TRIM71: variants seen among roughly 807,000 people sequenced by gnomAD.
TRIM71 encodes E3 ubiquitin-protein ligase TRIM71.
In TRIM71, 9 loss-of-function variants were observed where a neutral mutation model predicts 61.2. The ratio of observed to expected loss-of-function variants is 0.15; its 90% CI spans 0.09 to 0.26. The LOEUF (loss-of-function observed/expected upper bound fraction) is 0.26. TRIM71 is among the 10% of genes least tolerant of loss of function. The pLI is 1.00. For synonymous variants in TRIM71, 645 were observed against 553.2 expected, an observed-to-expected ratio of 1.17 and a Z score of -2.33; for missense variants, 998 against 1,238.7, an observed-to-expected ratio of 0.81 and a Z score of 2.92.
At chr3:32,820,255 C>A (rs1038716262) in intron 1 of TRIM71, among the ~76,000 whole-genome samples, 1 of 152,210 alleles carries the variant, frequency 6.6e-6, no homozygotes, top group Non-Finnish European at 1.5e-5. Flanking sequence ...CTTTTCCACT[C>A]CTAACCTGTT....
intron 1 of TRIM71, among the ~76,000 whole-genome samples, chr3:32,834,232 T>C (rs961391111): frequency 6.6e-6 from 1 of 152,220 alleles, no homozygotes; most frequent in African/African-American, 2.4e-5. Flanking sequence ...GTTACGGTTA[T>C]AAATGGAAAC....
At chr3:32,824,445 G>A (rs970888683) in intron 1 of TRIM71, among the ~76,000 whole-genome samples, 2 of 150,502 alleles carry the variant, frequency 1.3e-5, no homozygotes, top group African/African-American at 2.5e-5. Flanking sequence ...CACCTGCCTC[G>A]GCTTCCCAAA....
chr3:32,893,624 A>G lies in TRIM71; in HGVS notation c.*1813A>G, dbSNP rs1697050055. ...ATCAACTTCTGTTCCTCTGTTTAAG[A>G]GAAATTTCTATTGCAAAATGGGTAT... On this transcript the variant is annotated 3_prime_UTR_variant, in exon 4 of 4. Coordinates refer to ENST00000383763, the MANE Select transcript of TRIM71 (RefSeq NM_001039111.3). 6.6e-6 allele frequency: 1 copy of G among 152,262 alleles called. No individual in the cohort carries two copies. The highest frequency in any genetic ancestry group is 1.5e-5 in the Non-Finnish European group (1 of 68,046). The allele number at this position is 152,262 out of a possible 1,614,324, so 9.4% of individuals were successfully genotyped here.
chr3:32,883,419 T>G (rs1244749101), intron 2 of TRIM71, among the ~76,000 whole-genome samples: 1 of 152,224 alleles, frequency 6.6e-6, no homozygotes, highest in Non-Finnish European at 1.5e-5. Flanking sequence ...TCAGGAAGAC[T>G]CATTGCTTTC....
At chr3:32,862,139 A>G (rs769736584) in intron 1 of TRIM71, among the ~76,000 whole-genome samples, 1 of 152,226 alleles carries the variant, frequency 6.6e-6, no homozygotes, top group South Asian at 2.1e-4. Context: ...TTATCAACCA[A>G]TAGGACAGTG....
chr3:32,861,099 C>T (rs1260450679), intron 1 of TRIM71, among the ~76,000 whole-genome samples: 3 of 151,854 alleles, frequency 2.0e-5, no homozygotes, highest in Non-Finnish European at 2.9e-5. Context: ...CGCTTGATCC[C>T]GGGAGGCAGA....
chr3:32,827,268 CTTT>C (rs369755706), intron 1 of TRIM71, among the ~76,000 whole-genome samples: 4 of 129,680 alleles, frequency 3.1e-5, no homozygotes, highest in Non-Finnish European at 6.7e-5. Context: ...GGGGATAATT[CTTT>C]TTTTTTTTTT....
chr3:32,876,569 A>T (rs981948891), intron 2 of TRIM71, among the ~76,000 whole-genome samples: 2 of 152,056 alleles, frequency 1.3e-5, no homozygotes, highest in African/African-American at 4.8e-5. Flanking sequence ...GGACGACCGA[A>T]TGAGACTCCA....
At position 32,818,669 on chromosome 3, in the gene TRIM71, C is replaced by T; in HGVS notation, c.589C>T (p.His197Tyr). 1 of 1,535,050 alleles carries T rather than the reference C, an allele frequency of 6.5e-7. No individual in the cohort carries two copies. The highest frequency in any genetic ancestry group is 8.7e-7 in the Non-Finnish European group (1 of 1,150,680). ...GTCGGCGCTGCTGCTCCGCCGTCCTCACGGCTGCAGCTCGTGCGATGAGGG... is the reference window on the plus strand; with the variant it reads ...GTCGGCGCTGCTGCTCCGCCGTCCTTACGGCTGCAGCTCGTGCGATGAGGG... ...SPSALLLRRPHGCSSCDEGNA... is the reference protein window; with the variant it reads ...SPSALLLRRPYGCSSCDEGNA... The change falls in exon 1 of 4, where the codon CAC becomes TAC. Residue 197 changes from histidine (H) to tyrosine (Y), a missense_variant. Around this residue, in one of 5 missense-constraint regions of TRIM71, gnomAD observed 527 missense variants for 427.8 expected, o/e 1.23. Coordinates refer to ENST00000383763, the MANE Select transcript of TRIM71 (RefSeq NM_001039111.3).
intron 1 of TRIM71, among the ~76,000 whole-genome samples, chr3:32,865,787 C>T (rs1346450971): frequency 6.7e-4 from 5 of 7,482 alleles, no homozygotes; most frequent in Admixed American, 2.1e-3. Flanking sequence ...ATTTGCCGCC[C>T]GCCGGCCCCC....
chr3:32,872,804 T>C (rs1460755569), intron 1 of TRIM71, among the ~76,000 whole-genome samples: 3 of 152,120 alleles, frequency 2.0e-5, no homozygotes, highest in Non-Finnish European at 4.4e-5. Flanking sequence ...GGAGATGAAG[T>C]GTGGGTGTTG....
At chr3:32,836,826 GGTAGCTAT>G (rs1696339903) in intron 1 of TRIM71, among the ~76,000 whole-genome samples, 4 of 152,260 alleles carry the variant, frequency 2.6e-5, no homozygotes, top group African/African-American at 7.2e-5. Context: ...GCCATATACT[GGTAGCTAT>G]TATACTGGTA....
intron 1 of TRIM71, among the ~76,000 whole-genome samples, chr3:32,847,342 A>C (rs1414781216): frequency 6.6e-6 from 1 of 152,018 alleles, no homozygotes; most frequent in Non-Finnish European, 1.5e-5. Context: ...GATTACAGGC[A>C]CGTGCCACCA....
rs1696628320 is a variant in TRIM71 at position 32,858,250 on chromosome 3, C to T, written c.853-15568C>T. 3.3e-5 allele frequency among the ~76,000 whole-genome samples: 5 copies of T among 152,080 alleles called. No individual in the cohort carries two copies. The South Asian group carries it at 1.0e-3, about 32-fold the overall frequency. On this transcript the variant is annotated intron_variant, in intron 1 of 3. Transcript: ENST00000383763. ...ATCCTCTCTAGCAGGGGTATATTTT[C>T]CAAATCAGGCCATGGGTGAGAGTGA... is the stretch of plus-strand genomic sequence containing the variant.
intron 2 of TRIM71, among the ~76,000 whole-genome samples, chr3:32,883,252 A>G (rs1696928240): frequency 6.6e-6 from 1 of 152,192 alleles, no homozygotes; most frequent in Non-Finnish European, 1.5e-5. Context: ...TTTAACTTTT[A>G]GGTAATGTGG....
intron 1 of TRIM71, among the ~76,000 whole-genome samples, chr3:32,823,840 G>A (rs540051187): frequency 6.6e-6 from 1 of 152,094 alleles, no homozygotes; most frequent in East Asian, 1.9e-4. Flanking sequence ...TTGGGAGGCC[G>A]AGGCGGGCGG....
At chr3:32,830,955 C>T (rs1294493991) in intron 1 of TRIM71, among the ~76,000 whole-genome samples, 3 of 152,128 alleles carry the variant, frequency 2.0e-5, no homozygotes, top group Non-Finnish European at 2.9e-5. Flanking sequence ...GGATTACAGG[C>T]GCCCGCCACC....
At chr3:32,876,037 T>C (rs772662936) in intron 2 of TRIM71, among the ~76,000 whole-genome samples, 1 of 152,174 alleles carries the variant, frequency 6.6e-6, no homozygotes, top group Non-Finnish European at 1.5e-5. Flanking sequence ...ACTAATCCTG[T>C]TATTGTTATG....
At position 32,873,060 on chromosome 3, in the gene TRIM71, T is replaced by TCCCTCCCTCC. The variant is rs1559548193; in HGVS notation, c.853-757_853-756insCCTCCCTCCC. On this transcript the variant is annotated intron_variant, in intron 1 of 3. Coordinates refer to ENST00000383763, the MANE Select transcript of TRIM71 (RefSeq NM_001039111.3). ...TAAAGGTTGTGCCAGCCCTTCTCTC[T>TCCCTCCCTCC]CTTCCTCCCTCCCTCCCTCCCTCCC... Among the ~76,000 whole-genome samples, 167 of 96,112 alleles carry TCCCTCCCTCC rather than the reference T, an allele frequency of 1.7e-3. 3 individuals are homozygous for TCCCTCCCTCC. Among genetic ancestry groups the TCCCTCCCTCC allele is most frequent in the African/African-American group, 4.6e-3 (128 of 28,042 alleles). 63.1% of individuals were successfully genotyped at this position (96,112 alleles called of 152,430 possible). A position where few individuals can be genotyped will look rare whatever the true frequency, so the allele number is the denominator to read the frequency against.
Sources: gnomAD v4.1 joint callset for allele counts (sites outside exome capture counted in the v4.1 genomes callset) on GRCh38, gnomAD v4.1.1 for gene constraint, gnomAD v4.1.1 regional missense constraint, MANE v1.5 for transcripts, NCBI Gene and HGNC (gene_info 2026-07-23, HGNC 2026-07-21) for gene names.